The following NUP98 variants were observed in gnomAD, a reference collection of about 807,000 sequenced individuals.
The protein encoded by NUP98 is nuclear pore complex protein Nup98-Nup96.
In NUP98, 26 loss-of-function variants were observed where a neutral mutation model predicts 191.9. That is an observed-to-expected ratio of 0.14 (90% confidence interval 0.10 to 0.19). NUP98 has a LOEUF of 0.19. NUP98 is among the 10% of genes least tolerant of loss of function. The pLI is 1.00. For missense variants in NUP98, 1,941 were observed against 2,178.8 expected (o/e 0.89, Z 2.17); for synonymous variants, 808 against 778.4 (o/e 1.04, Z -0.63).
rs576243222 is a variant in NUP98, at chr11:3,678,936, A to G, written c.5073+618T>C. Among the ~76,000 whole-genome samples the G allele has an allele frequency of 5.9e-5, 9 of 152,234 alleles. No homozygotes were observed. The South Asian group carries it at 1.2e-3, about 21-fold the overall frequency. On this transcript the variant is annotated intron_variant, in intron 31 of 32. Transcript: ENST00000324932. ...CAGGAATTCAAGACCAGCCTGGCCA[A>G]TGTGGTGAAACACTATCTCTACTAA...
chr11:3,698,725 CAAAAAAAAAAAA>C (rs549214359), intron 25 of NUP98, among the ~76,000 whole-genome samples: 3 of 35,768 alleles, frequency 8.4e-5, no homozygotes, highest in Admixed American at 7.1e-4. Context: ...GAAACTGTCT[CAAAAAAAAAAAA>C]AAAAAAAAAA....
intron 12 of NUP98, 99 bp from the exon 13 acceptor site, chr11:3,735,423 G>A (rs1233421715): frequency 1.3e-5 from 8 of 606,516 alleles, no homozygotes; most frequent in African/African-American, 3.9e-5. Context: ...TTTTGAAGAA[G>A]TGGTCTTCAA....
At chr11:3,752,212 AGG>A (rs1443349580) in intron 11 of NUP98, among the ~76,000 whole-genome samples, 2 of 151,424 alleles carry the variant, frequency 1.3e-5, no homozygotes, top group African/African-American at 4.9e-5. Flanking sequence ...GTACAAAATG[AGG>A]TTCCATTAAG....
At chr11:3,716,669 C>T (rs541261182) in intron 18 of NUP98, among the ~76,000 whole-genome samples, 1 of 152,234 alleles carries the variant, frequency 6.6e-6, no homozygotes, top group South Asian at 2.1e-4. Flanking sequence ...GATCACACCA[C>T]TACACTCAAG....
chr11:3,778,487 AAC>A (rs1290749287), intron 4 of NUP98, among the ~76,000 whole-genome samples: 2 of 152,194 alleles, frequency 1.3e-5, no homozygotes, highest in Non-Finnish European at 2.9e-5. Context: ...CCAAATATAA[AAC>A]AGAGACAAGA....
chr11:3,707,428 C>A (rs191250346), intron 20 of NUP98, among the ~76,000 whole-genome samples: 26 of 152,004 alleles, frequency 1.7e-4, no homozygotes, highest in African/African-American at 6.0e-4. Context: ...AATGACTAAG[C>A]CAATATTTGA....
Position 3,702,689 on chromosome 11 carries a change from T to C in NUP98, c.3286A>G (p.Arg1096Gly). The change falls in exon 23 of 33, where the codon AGG becomes GGG. Residue 1096 changes from arginine to glycine, a missense_variant. Transcript: ENST00000324932. ...EVPLKTVGTR[R>G]QLGLVPREKS... is the part of the protein sequence containing the mutation. ...TCACGAGGGACTAGGCCTAGTTGCC[T>C]ACGTGTACCCACTGTTTTCAACGGA... 3.1e-6 allele frequency: 5 copies of C among 1,614,212 alleles called. No individual in the cohort carries two copies. The highest frequency in any genetic ancestry group is 4.2e-6 in the Non-Finnish European group (5 of 1,180,050).
intron 13 of NUP98, 148 bp from the exon 14 acceptor site, chr11:3,731,726 T>C (rs898177525): frequency 2.3e-5 from 11 of 482,954 alleles, no homozygotes; most frequent in Admixed American, 1.3e-4. Context: ...AAAACAAGGA[T>C]GTTAACACCC....
At chr11:3,724,243 C>A (rs1179581128) in intron 15 of NUP98, among the ~76,000 whole-genome samples, 1 of 150,320 alleles carries the variant, frequency 6.7e-6, no homozygotes, top group Non-Finnish European at 1.5e-5. Flanking sequence ...ACCAGCTTGA[C>A]CAACATGGCG....
chr11:3,694,684 A>G (rs944761463), intron 26 of NUP98, among the ~76,000 whole-genome samples: 57 of 151,928 alleles, frequency 3.8e-4, no homozygotes, highest in African/African-American at 1.3e-3. Context: ...AGCTTGCAGT[A>G]AGCCCAGATC....
At chr11:3,714,109 A>C (rs2079103355) in intron 18 of NUP98, 114 bp from the exon 19 acceptor site, 1 of 1,042,926 alleles carries the variant, frequency 9.6e-7, no homozygotes, top group South Asian at 1.4e-5. Flanking sequence ...CTGCCTTGGA[A>C]TTATTCTGCA....
At chr11:3,707,452 C>CA (rs879351640) in intron 20 of NUP98, among the ~76,000 whole-genome samples, 2 of 151,170 alleles carry the variant, frequency 1.3e-5, no homozygotes, top group African/African-American at 2.4e-5. Context: ...ATTTTCAAAC[C>CA]AAAAAAAATT....
intron 26 of NUP98, among the ~76,000 whole-genome samples, chr11:3,693,874 G>C (rs1480735570): frequency 2.6e-5 from 4 of 152,178 alleles, no homozygotes; most frequent in Non-Finnish European, 4.4e-5. Context: ...GCAGTGATAA[G>C]AGAAATGGCT....
intron 28 of NUP98, among the ~76,000 whole-genome samples, chr11:3,689,801 A>T (rs1233536134): frequency 6.7e-6 from 1 of 150,346 alleles, no homozygotes; most frequent in South Asian, 2.1e-4. Flanking sequence ...CACATGGCTA[A>T]TTTTTTTTTA....
At chr11:3,712,436 C>A (rs757969601) in intron 20 of NUP98, 128 bp downstream of exon 20, 2 of 1,480,352 alleles carry the variant, frequency 1.4e-6, no homozygotes, top group Middle Eastern at 2.2e-4. Context: ...CTTGTTTCAA[C>A]GTGATTGCCA....
chr11:3,703,828 T>A (rs912760971), intron 22 of NUP98, among the ~76,000 whole-genome samples: 25 of 152,154 alleles, frequency 1.6e-4, no homozygotes, highest in African/African-American at 2.9e-4. Flanking sequence ...TAAAAAAAAA[T>A]TTTTTTAACA....
Position 3,735,206 on chromosome 11 carries a change from A to G in NUP98, c.1527T>C (p.Pro509=), listed in dbSNP as rs145990724. 1 of 1,588,208 alleles carries G rather than the reference A, an allele frequency of 6.3e-7. No homozygotes were observed. The highest frequency in any genetic ancestry group is 8.6e-7 in the Non-Finnish European group (1 of 1,165,382). The change falls in exon 13 of 33, where the codon CCT becomes CCC. Residue 509 remains proline (P), a synonymous_variant. Coordinates refer to ENST00000324932, the MANE Select transcript of NUP98 (RefSeq NM_016320.5). ...TTAAATTTACCTCTTCCTTCTTCTT[A>G]GGGTCTGACATCGGATTCCGGAAGA... ...SPLFRNPMSD[P]KKKEERLKPT...
At chr11:3,698,996 G>A (rs575309968) in intron 25 of NUP98, 86 bp downstream of exon 25, 338 of 1,485,966 alleles carry the variant, frequency 2.3e-4, no homozygotes, top group Non-Finnish European at 3.0e-4. Context: ...GAAGCCAAAG[G>A]GAAATGCACA....
chr11:3,743,417 C>T (rs550678079), intron 12 of NUP98, among the ~76,000 whole-genome samples: 63 of 143,886 alleles, frequency 4.4e-4, no homozygotes, highest in Middle Eastern at 3.8e-3. Flanking sequence ...GAGGCCGAGG[C>T]GGGCGGATCA....
Sources: gnomAD v4.1 joint callset for allele counts (sites outside exome capture counted in the v4.1 genomes callset) on GRCh38, gnomAD v4.1.1 for gene constraint, MANE v1.5 for transcripts, NCBI Gene and HGNC (gene_info 2026-07-23, HGNC 2026-07-21) for gene names.